Variants in MOK observed in about 807,000 individuals in gnomAD.
MOK encodes the protein MAPK/MAK/MRK overlapping kinase.
Under a neutral mutation model 54.2 loss-of-function variants are expected in MOK, and 59 were observed. The ratio of observed to expected loss-of-function variants is 1.09; its 90% CI spans 0.88 to 1.35. The LOEUF is 1.35. Ranked by LOEUF, MOK falls within the 40% of genes most tolerant of loss-of-function variation. MOK has a pLI of 0.00. For missense variants in MOK, 517 were observed against 526.2 expected, an observed-to-expected ratio of 0.98 and a Z score of 0.17; for synonymous variants, 210 against 202.7, an observed-to-expected ratio of 1.04 and a Z score of -0.31.
chr14:102,284,382 C>T (rs559490983), intron 1 of MOK, among the ~76,000 whole-genome samples: 75 of 151,962 alleles, frequency 4.9e-4, no homozygotes, highest in African/African-American at 1.8e-3. Flanking sequence ...ACCCAGTGTC[C>T]GCTGAGCCTG....
chr14:102,227,304 G>T (rs1185564728), downstream of MOK, among the ~76,000 whole-genome samples: 2 of 151,838 alleles, frequency 1.3e-5, no homozygotes, highest in Non-Finnish European at 1.5e-5. Flanking sequence ...CTACCCACAG[G>T]TCCCTCTCTT....
chr14:102,218,394 A>G, the MOK span, among the ~76,000 whole-genome samples: 515 of 152,076 alleles, frequency 3.4e-3, 4 homozygotes, highest in Non-Finnish European at 5.4e-3. Flanking sequence ...GAGCTAGGAG[A>G]CCGTCCAGGC....
chr14:102,254,335 T>C (rs917714146), intron 4 of MOK, among the ~76,000 whole-genome samples: 2 of 151,758 alleles, frequency 1.3e-5, no homozygotes, highest in African/African-American at 4.8e-5. Context: ...TTGTTTCACA[T>C]GATTTATCAT....
At chr14:102,271,297 G>A (rs2068334012) in intron 2 of MOK, among the ~76,000 whole-genome samples, 1 of 152,056 alleles carries the variant, frequency 6.6e-6, no homozygotes, top group Non-Finnish European at 1.5e-5. Context: ...CCTTGATACA[G>A]ATGTGCCTTG....
At chr14:102,301,686 T>C (rs187309271) in intron 1 of MOK, among the ~76,000 whole-genome samples, 80 of 152,328 alleles carry the variant, frequency 5.3e-4, no homozygotes, top group Middle Eastern at 6.8e-3. Flanking sequence ...ATGATCAGGA[T>C]GTAAACCAGG....
chr14:102,254,317 T>C (rs990564142), intron 4 of MOK, among the ~76,000 whole-genome samples: 11 of 152,254 alleles, frequency 7.2e-5, no homozygotes, highest in African/African-American at 2.7e-4. Flanking sequence ...CATACTATCA[T>C]CTTTTTATTG....
intron 7 of MOK, among the ~76,000 whole-genome samples, chr14:102,248,807 G>C (rs1392915853): frequency 6.7e-6 from 1 of 149,242 alleles, no homozygotes; most frequent in African/African-American, 2.5e-5. Context: ...ACCAACCCCA[G>C]GATGCGGCCA....
chr14:102,291,697 C>G (rs973150759), intron 1 of MOK, among the ~76,000 whole-genome samples: 3 of 152,206 alleles, frequency 2.0e-5, no homozygotes, highest in Admixed American at 2.0e-4. Context: ...TGGCTCACAC[C>G]TGTAATCCCA....
chr14:102,245,344 G>C lies in MOK; in HGVS notation c.590+5468C>G, dbSNP rs536535012. On this transcript the variant is annotated intron_variant, in intron 7 of 11. Transcript: ENST00000361847. This position sits in a 1 kb window ranked among gnomAD's most constrained non-coding sequence, Gnocchi z 4.3. ...TACCACCCCCCCAAAAATTTTCACT[G>C]CCCCAACACTTCAATACTATTTTAT... Among the ~76,000 whole-genome samples the C allele has an allele frequency of 3.5e-4, 53 of 149,988 alleles. No individual in the cohort carries two copies. The highest frequency in any genetic ancestry group is 1.3e-3 in the African/African-American group (53 of 40,580).
intron 2 of MOK, among the ~76,000 whole-genome samples, chr14:102,275,332 A>G (rs1366523430): frequency 1.3e-5 from 2 of 152,202 alleles, no homozygotes; most frequent in Non-Finnish European, 2.9e-5. Flanking sequence ...TGGGAGGCCG[A>G]GGTGGGTGGA....
intron 1 of MOK, among the ~76,000 whole-genome samples, chr14:102,299,586 TTTTTG>T (rs2071922182): frequency 6.6e-6 from 1 of 151,462 alleles, no homozygotes; most frequent in Non-Finnish European, 1.5e-5. Context: ...CTTCTCTGGG[TTTTTG>T]TTTTATTTTT....
intron 7 of MOK, among the ~76,000 whole-genome samples, chr14:102,237,586 C>T (rs558716933): frequency 5.3e-5 from 8 of 152,326 alleles, no homozygotes; most frequent in Admixed American, 3.9e-4. Flanking sequence ...AAATCCCTCA[C>T]GTAACATACT....
At chr14:102,290,523 C>G (rs944911513) in intron 1 of MOK, among the ~76,000 whole-genome samples, 7 of 151,986 alleles carry the variant, frequency 4.6e-5, no homozygotes, top group African/African-American at 1.7e-4. Flanking sequence ...ATTAACCATT[C>G]AATTTGTGTA....
At chr14:102,291,967 A>AC (rs1942716260) in intron 1 of MOK, among the ~76,000 whole-genome samples, 1 of 151,622 alleles carries the variant, frequency 6.6e-6, no homozygotes. Context: ...CAAAAAAAAA[A>AC]AAACTAACAA....
intron 4 of MOK, among the ~76,000 whole-genome samples, chr14:102,259,594 G>A (rs1934099848): frequency 6.6e-6 from 1 of 152,134 alleles, no homozygotes; most frequent in Non-Finnish European, 1.5e-5. Context: ...AACCACACAG[G>A]GTTGTCATGA....
At chr14:102,278,662 G>A (rs1567216255) in intron 2 of MOK, 1 of 455,076 alleles carries the variant, frequency 2.2e-6, no homozygotes, top group Non-Finnish European at 4.4e-6. Context: ...GCCAGGTGGG[G>A]AACTTGATCT....
rs2064968781 is a variant in MOK, at chr14:102,233,807, G to A, written c.591-18C>T. 2.5e-6 allele frequency: 4 copies of A among 1,584,184 alleles called. No individual in the cohort carries two copies. The highest frequency in any genetic ancestry group is 1.7e-6 in the Non-Finnish European group (2 of 1,152,814). On this transcript the variant is annotated intron_variant, in intron 7 of 11. Coordinates refer to ENST00000361847, the MANE Select transcript of MOK (RefSeq NM_014226.3). ...GCTGCAGACTGGAAGGGCAGAAGGG[G>A]CACTGTGGTCAGTGTTAGGGCAGAG...
rs756843133 is a variant in MOK, at chr14:102,274,974, C to CAA, written c.122+8502_122+8503dup. Reference sequence around the variant, plus strand: ...TGCATGACAGAAAGAGACTCTGTCTCAAAAAAAAAAAAAAAGAAGAAGAAA... The same window carrying CAA: ...TGCATGACAGAAAGAGACTCTGTCTCAAAAAAAAAAAAAAAAAGAAGAAGAAA... On this transcript the variant is annotated intron_variant, in intron 2 of 11. Transcript: ENST00000361847. 3.8e-3 allele frequency among the ~76,000 whole-genome samples: 403 copies of CAA among 106,910 alleles called. 3 individuals carry two copies. The highest frequency in any genetic ancestry group is 0.011 in the African/African-American group (356 of 32,948). 70.1% of individuals were successfully genotyped at this position (106,910 alleles called of 152,430 possible).
chr14:102,265,798 CT>C, intron 3 of MOK, 24 bp downstream of exon 3: 1 of 1,570,044 alleles, frequency 6.4e-7, no homozygotes, highest in Non-Finnish European at 8.8e-7. Context: ...ATTTAGATAA[CT>C]TTTCAAGCTC....
Sources: gnomAD v4.1 joint callset for allele counts (sites outside exome capture counted in the v4.1 genomes callset) on GRCh38, gnomAD v4.1.1 for gene constraint, Gnocchi (gnomAD v3.1) non-coding constraint, MANE v1.5 for transcripts, NCBI Gene and HGNC (gene_info 2026-07-23, HGNC 2026-07-21) for gene names.